Variants in RFTN2 observed in about 807,000 individuals in gnomAD.
The protein encoded by RFTN2 is raftlin family member 2.
RFTN2 carries 34 observed loss-of-function variants against 52.7 expected under a neutral mutation model. That is an observed-to-expected ratio of 0.64 (90% CI 0.49 to 0.86). The LOEUF (loss-of-function observed/expected upper bound fraction) is 0.86. Among genes scored for constraint, RFTN2 ranks in the 40% least tolerant of loss-of-function variants. The pLI, the probability that RFTN2 is intolerant of heterozygous loss-of-function variation, is 0.00. For synonymous variants in RFTN2, 203 were observed against 217.7 expected (o/e 0.93, Z 0.59); for missense variants, 536 against 600.1 (o/e 0.89, Z 1.12).
intron 5 of RFTN2, among the ~76,000 whole-genome samples, chr2:197,621,762 G>A (rs1025932539): frequency 2.0e-5 from 3 of 152,066 alleles, no homozygotes; most frequent in South Asian, 2.1e-4. Context: ...TAATAACCCC[G>A]AAATAGCCTC....
Position 197,610,527 on chromosome 2 carries a change from T to C in RFTN2, c.1154+5349A>G, listed in dbSNP as rs112312006. On this transcript the variant is annotated intron_variant, in intron 7 of 8. Coordinates refer to ENST00000295049, the MANE Select transcript of RFTN2 (RefSeq NM_144629.3). ...GAGATTTTGGGCTGAGACAATGGGG[T>C]TTTCTAAATATACAATCATGTCTTC... is the stretch of plus-strand genomic sequence containing the variant. Among the ~76,000 whole-genome samples, 37 of 152,206 alleles carry C rather than the reference T, an allele frequency of 2.4e-4. 2 individuals are homozygous for C. Among genetic ancestry groups the C allele is most frequent in the African/African-American group, 8.7e-4 (36 of 41,526 alleles).
At chr2:197,577,429 C>T (rs183209514) in intron 8 of RFTN2, among the ~76,000 whole-genome samples, 1 of 152,226 alleles carries the variant, frequency 6.6e-6, no homozygotes, top group African/African-American at 2.4e-5. Context: ...AATATCAGCT[C>T]TTCAGTTCTT....
At chr2:197,591,659 G>C (rs992494170) in intron 8 of RFTN2, among the ~76,000 whole-genome samples, 2 of 152,150 alleles carry the variant, frequency 1.3e-5, no homozygotes, top group Admixed American at 1.3e-4. Flanking sequence ...TGGTGGAGCG[G>C]GGGGGCTCAG....
At chr2:197,626,702 A>G (rs2088368536) in intron 5 of RFTN2, among the ~76,000 whole-genome samples, 1 of 133,208 alleles carries the variant, frequency 7.5e-6, no homozygotes, top group Admixed American at 8.4e-5. Context: ...GCTCACTGCA[A>G]CCTCTGCCTC....
intron 8 of RFTN2, among the ~76,000 whole-genome samples, chr2:197,572,591 A>G (rs1269051151): frequency 3.4e-4 from 51 of 152,200 alleles, no homozygotes; most frequent in Admixed American, 3.3e-3. Context: ...TGTTGAAATC[A>G]TACTTTGGGA....
chr2:197,648,875 G>A (rs1574741577), intron 1 of RFTN2, among the ~76,000 whole-genome samples: 1 of 152,234 alleles, frequency 6.6e-6, no homozygotes, highest in East Asian at 1.9e-4. Flanking sequence ...CTTCCTCTGG[G>A]CTGCATGTCC....
chr2:197,572,105 C>A lies in RFTN2; in HGVS notation c.1409G>T (p.Ser470Ile), dbSNP rs1224658489. The A allele has an allele frequency of 1.2e-5, 19 of 1,614,236 alleles. No individual in the cohort carries two copies. The highest frequency in any genetic ancestry group is 1.5e-5 in the Non-Finnish European group (18 of 1,180,040). ...GTCACTGCTGCTGAACCCAGAGAAG[C>A]TGTTGTGCTGTGCCAGCCTTCCCTC... is the stretch of plus-strand genomic sequence containing the variant. ...TKEGRLAQHN[S>I]FSGFSSSDNV... The change falls in exon 9 of 9, where the codon AGC becomes ATC. Residue 470 changes from serine to isoleucine, a missense_variant. Coordinates refer to ENST00000295049, the MANE Select transcript of RFTN2 (RefSeq NM_144629.3).
In RFTN2 at chr2:197,650,153, C is replaced by T. The variant is rs562583684; in HGVS notation, c.140-3487G>A. On this transcript the variant is annotated intron_variant, in intron 1 of 8. Transcript: ENST00000295049. ...AATTGTAGGAAAAACAAAAATTTGC[C>T]ATTTTAACCATTTTTTAGTGTACAG... 2.6e-5 allele frequency among the ~76,000 whole-genome samples: 4 copies of T among 151,796 alleles called. No individual in the cohort carries two copies. In the East Asian group the frequency reaches 7.8e-4, roughly 29 times the overall value.
At chr2:197,576,496 G>T (rs575506882) in intron 8 of RFTN2, among the ~76,000 whole-genome samples, 100 of 152,238 alleles carry the variant, frequency 6.6e-4, no homozygotes, top group African/African-American at 2.3e-3. Flanking sequence ...TGTTATTTGG[G>T]AAGTAGGGTT....
At chr2:197,594,212 C>T (rs2087761341) in intron 8 of RFTN2, among the ~76,000 whole-genome samples, 1 of 151,422 alleles carries the variant, frequency 6.6e-6, no homozygotes, top group South Asian at 2.1e-4. Flanking sequence ...GACAGGGATT[C>T]TCCATGTTAG....
chr2:197,604,097 A>G (rs1229516638), intron 7 of RFTN2, among the ~76,000 whole-genome samples: 1 of 152,188 alleles, frequency 6.6e-6, no homozygotes, highest in East Asian at 1.9e-4. Context: ...CACACTACAT[A>G]CTCTCGATCA....
chr2:197,576,191 A>G (rs1405900254), intron 8 of RFTN2, among the ~76,000 whole-genome samples: 1 of 151,964 alleles, frequency 6.6e-6, no homozygotes. Flanking sequence ...TGTTATTAGT[A>G]GAGATGGGGT....
At chr2:197,646,383 A>C in intron 2 of RFTN2, 100 bp downstream of exon 2, 1 of 887,380 alleles carries the variant, frequency 1.1e-6, no homozygotes, top group South Asian at 2.0e-5. Context: ...TAAAACCCCC[A>C]TGTGTCCTTT....
intron 1 of RFTN2, among the ~76,000 whole-genome samples, chr2:197,647,033 C>T (rs2088763156): frequency 6.6e-6 from 1 of 151,752 alleles, no homozygotes; most frequent in African/African-American, 2.4e-5. Flanking sequence ...CATAATATCA[C>T]CCATATGTCT....
Position 197,617,240 on chromosome 2 carries a change from T to C in RFTN2, c.1050+560A>G, listed in dbSNP as rs181053911. 7.5e-3 allele frequency among the ~76,000 whole-genome samples: 1,142 copies of C among 152,332 alleles called. 16 individuals carry two copies. The highest frequency in any genetic ancestry group is 0.02 in the South Asian group (97 of 4,830). On this transcript the variant is annotated intron_variant, in intron 6 of 8. Transcript: ENST00000295049. ...CAGAATGCTGTAAAGAGAAGCTCAG[T>C]GCCAGGCGATGTTTTTTGGCTTAAA...
chr2:197,624,484 G>A (rs577305810), intron 5 of RFTN2, among the ~76,000 whole-genome samples: 19 of 151,812 alleles, frequency 1.3e-4, no homozygotes, highest in Admixed American at 5.3e-4. Flanking sequence ...TGTAGTCCCA[G>A]CTACTCGGGA....
Position 197,652,665 on chromosome 2 carries a change from A to T in RFTN2, c.140-5999T>A, listed in dbSNP as rs113192396. 8.5e-5 allele frequency among the ~76,000 whole-genome samples: 13 copies of T among 152,302 alleles called. 3 individuals are homozygous for T. Among genetic ancestry groups the T allele is most frequent in the African/African-American group, 2.9e-4 (12 of 41,566 alleles). On this transcript the variant is annotated intron_variant, in intron 1 of 8. Coordinates refer to ENST00000295049, the MANE Select transcript of RFTN2 (RefSeq NM_144629.3). ...TTCTTTCTTAATGGTACATAAAATA[A>T]TAGTGTGTTTTATAATCAATGGTGT... is the stretch of plus-strand genomic sequence containing the variant.
intron 3 of RFTN2, among the ~76,000 whole-genome samples, chr2:197,634,851 G>C (rs1447782419): frequency 3.3e-5 from 5 of 151,356 alleles, no homozygotes; most frequent in African/African-American, 1.2e-4. Flanking sequence ...TTGTCATCTA[G>C]CATTAGGTAT....
At chr2:197,573,884 T>C (rs1490683851) in intron 8 of RFTN2, among the ~76,000 whole-genome samples, 1 of 152,244 alleles carries the variant, frequency 6.6e-6, no homozygotes, top group Non-Finnish European at 1.5e-5. Context: ...CCCCAAGCCT[T>C]GGTGGCTCAC....
Sources: gnomAD v4.1 joint callset for allele counts (sites outside exome capture counted in the v4.1 genomes callset) on GRCh38, gnomAD v4.1.1 for gene constraint, MANE v1.5 for transcripts, NCBI Gene and HGNC (gene_info 2026-07-23, HGNC 2026-07-21) for gene names.